PAM: variants seen among roughly 807,000 people sequenced by gnomAD.
PAM encodes the protein peptidylglycine alpha-amidating monooxygenase.
In PAM, 72 loss-of-function variants were observed where a neutral mutation model predicts 122.1. The observed-to-expected ratio is 0.59, with a 90% CI of 0.49 to 0.72. The LOEUF is 0.72. PAM is among the 30% of genes least tolerant of loss of function. The probability of loss-of-function intolerance (pLI) is 0.00; values close to 1 mark genes in which losing one functional copy is unlikely to be tolerated. For missense variants in PAM, 1,106 were observed against 1,183.7 expected (o/e 0.93, Z 0.96); for synonymous variants, 389 against 404.4 (o/e 0.96, Z 0.46).
rs994999033 is a variant in PAM, at chr5:103,026,216, C to T, written c.2689+882C>T. 3.3e-5 allele frequency among the ~76,000 whole-genome samples: 5 copies of T among 152,152 alleles called. No homozygotes were observed. In the South Asian group the frequency reaches 8.3e-4, roughly 25 times the overall value. The stretch of plus-strand genomic sequence containing the variant: ...TGTTTCTTACCGCTCAGTAGCAGTC[C>T]CTTGGCTGGGTCCCCAGGTCCTAGA... On this transcript the variant is annotated intron_variant, in intron 24 of 25. Coordinates refer to ENST00000438793, the MANE Select transcript of PAM (RefSeq NM_001177306.2).
At chr5:102,775,878 A>C (rs1757031972) in intron 1 of PAM, among the ~76,000 whole-genome samples, 1 of 152,154 alleles carries the variant, frequency 6.6e-6, no homozygotes, top group Non-Finnish European at 1.5e-5. Flanking sequence ...GCTGGGACAA[A>C]TGGCATTTCT....
intron 1 of PAM, among the ~76,000 whole-genome samples, chr5:102,795,698 G>A (rs1206000458): frequency 6.6e-6 from 1 of 152,170 alleles, no homozygotes; most frequent in Non-Finnish European, 1.5e-5. Context: ...TGGTGTGAGA[G>A]AAAAATCTGG....
chr5:102,956,042 G>GT (rs1233952246), intron 12 of PAM, among the ~76,000 whole-genome samples: 1 of 151,966 alleles, frequency 6.6e-6, no homozygotes, highest in Non-Finnish European at 1.5e-5. Context: ...ATTATAGATG[G>GT]AAAGGAATAA....
chr5:102,961,432 A>G (rs1287395198), intron 14 of PAM, among the ~76,000 whole-genome samples: 1 of 151,890 alleles, frequency 6.6e-6, no homozygotes, highest in Admixed American at 6.6e-5. Context: ...CATTCATATA[A>G]TTTAGTGCTG....
chr5:102,862,714 G>C (rs1405450703), intron 1 of PAM, among the ~76,000 whole-genome samples: 1 of 152,210 alleles, frequency 6.6e-6, no homozygotes, highest in Non-Finnish European at 1.5e-5. Context: ...ACTGTTCTAA[G>C]GGTATTAATT....
chr5:102,847,026 G>T (rs1187807116), intron 1 of PAM, among the ~76,000 whole-genome samples: 1 of 152,156 alleles, frequency 6.6e-6, no homozygotes, highest in Non-Finnish European at 1.5e-5. Context: ...TTTCAAGGCT[G>T]GGAGAGTGTG....
intron 1 of PAM, among the ~76,000 whole-genome samples, chr5:102,765,848 A>G (rs962637963): frequency 3.7e-4 from 57 of 152,096 alleles, no homozygotes; most frequent in Admixed American, 3.7e-3. Flanking sequence ...TTATAAGGAC[A>G]CAGTAATATT....
chr5:102,861,211 A>T (rs751251817), intron 1 of PAM, among the ~76,000 whole-genome samples: 1 of 152,232 alleles, frequency 6.6e-6, no homozygotes, highest in African/African-American at 2.4e-5. Flanking sequence ...CATCTAAACT[A>T]CAACCTCATA....
rs560819698 is a variant in PAM at position 103,015,905 on chromosome 5, C to T, written c.2332-1429C>T. On this transcript the variant is annotated intron_variant, in intron 21 of 25. Transcript: ENST00000438793. Reference sequence around the variant, plus strand: ...AATAGTTTACACATTCCCTCCTCACCTTTATTCCCCCATCATTATATTTTT... The same window carrying T: ...AATAGTTTACACATTCCCTCCTCACTTTTATTCCCCCATCATTATATTTTT... Among the ~76,000 whole-genome samples, 6 of 152,264 alleles carry T rather than the reference C, an allele frequency of 3.9e-5. No homozygotes were observed. In the South Asian group the frequency reaches 1.0e-3, roughly 26 times the overall value.
chr5:102,954,267 T>A (rs1759979068), intron 12 of PAM, among the ~76,000 whole-genome samples: 1 of 151,946 alleles, frequency 6.6e-6, no homozygotes, highest in Admixed American at 6.6e-5. Flanking sequence ...ATGTACACTG[T>A]ACCCAATATG....
chr5:102,817,075 C>G (rs1561526006), intron 1 of PAM, among the ~76,000 whole-genome samples: 1 of 152,116 alleles, frequency 6.6e-6, no homozygotes, highest in Non-Finnish European at 1.5e-5. Flanking sequence ...TTATTTCTCA[C>G]TCTCACTCAT....
chr5:102,966,068 ATCT>A (rs1562063226), intron 14 of PAM, among the ~76,000 whole-genome samples: 1 of 152,098 alleles, frequency 6.6e-6, no homozygotes. Context: ...TTTTAGTAAC[ATCT>A]TCTTAACTAA....
intron 1 of PAM, among the ~76,000 whole-genome samples, chr5:102,761,417 C>T (rs991594235): frequency 3.3e-5 from 5 of 152,128 alleles, no homozygotes; most frequent in African/African-American, 1.2e-4. Context: ...TAACAAAGGA[C>T]GGTTTTTACC....
intron 23 of PAM, among the ~76,000 whole-genome samples, chr5:103,022,750 G>A (rs1783946889): frequency 6.6e-6 from 1 of 152,026 alleles, no homozygotes; most frequent in Non-Finnish European, 1.5e-5. Context: ...ATTCATCATA[G>A]ATGCTCCAAA....
At position 102,917,299 on chromosome 5, in the gene PAM, G is replaced by A. The variant is rs76312702; in HGVS notation, c.356+3278G>A. Among the ~76,000 whole-genome samples, 1,224 of 152,158 alleles carry A rather than the reference G, an allele frequency of 8.0e-3. 22 individuals are homozygous for A. The highest frequency in any genetic ancestry group is 0.028 in the African/African-American group (1,142 of 41,506). On this transcript the variant is annotated intron_variant, in intron 5 of 25. Transcript: ENST00000438793. ...CAACAAAAATCTATCAGTGTCAAAC[G>A]TCTTGCATTATTTTTCTAAAATTTT...
intron 1 of PAM, among the ~76,000 whole-genome samples, chr5:102,775,773 C>T (rs900283044): frequency 7.2e-5 from 11 of 152,086 alleles, no homozygotes; most frequent in Non-Finnish European, 1.3e-4. Context: ...CATGTCTTTG[C>T]TATTGTGAAT....
At chr5:102,798,215 G>A (rs1763848576) in intron 1 of PAM, among the ~76,000 whole-genome samples, 1 of 152,178 alleles carries the variant, frequency 6.6e-6, no homozygotes, top group Non-Finnish European at 1.5e-5. Flanking sequence ...ATTGCAGCCA[G>A]ATCAGTGCCC....
Position 102,825,705 on chromosome 5 carries a change from A to G in PAM, c.-373-40118A>G, listed in dbSNP as rs761680494. On this transcript the variant is annotated intron_variant, in intron 1 of 25. Coordinates refer to ENST00000438793, the MANE Select transcript of PAM (RefSeq NM_001177306.2). ...ATCCGTACAAAAATGAAAAACAGCC[A>G]GGTTTGGTGGCATGTGCCTCTAGTC... is the stretch of plus-strand genomic sequence containing the variant. Among the ~76,000 whole-genome samples, 43 of 152,266 alleles carry G rather than the reference A, an allele frequency of 2.8e-4. 1 individual carries two copies. The highest frequency in any genetic ancestry group is 4.9e-4 in the Non-Finnish European group (33 of 68,022).
chr5:102,800,131 G>A lies in PAM; in HGVS notation c.-374+44783G>A, dbSNP rs114848845. Among the ~76,000 whole-genome samples the A allele has an allele frequency of 8.5e-3, 1,294 of 152,288 alleles. 17 individuals are homozygous for A. The highest frequency in any genetic ancestry group is 0.03 in the African/African-American group (1,251 of 41,562). On this transcript the variant is annotated intron_variant, in intron 1 of 25. Coordinates refer to ENST00000438793, the MANE Select transcript of PAM (RefSeq NM_001177306.2). ...CTCCAGCCACACTGGGCTTCCTTATGTTCCTTAAACATTCTAAGCTAATTT... is the reference window on the plus strand; with the variant it reads ...CTCCAGCCACACTGGGCTTCCTTATATTCCTTAAACATTCTAAGCTAATTT...
Sources: allele counts gnomAD v4.1 joint callset (sites outside exome capture counted in the v4.1 genomes callset), GRCh38; gene constraint gnomAD v4.1.1; transcripts MANE v1.5; gene names NCBI Gene and HGNC (gene_info 2026-07-23, HGNC 2026-07-21).